Variants in FRMD4A observed in about 807,000 individuals in gnomAD.
The protein encoded by FRMD4A is FERM domain-containing protein 4A.
A neutral mutation model predicts 129.1 loss-of-function variants in FRMD4A; 29 were observed. The observed-to-expected ratio is 0.22, with a 90% CI of 0.17 to 0.31. The LOEUF is 0.31. Among genes scored for constraint, FRMD4A ranks in the 10% least tolerant of loss-of-function variants. FRMD4A has a pLI of 1.00. For missense variants in FRMD4A, 1,272 were observed against 1,375.8 expected (o/e 0.92, Z 1.19); for synonymous variants, 634 against 571.6 (o/e 1.11, Z -1.56).
chr10:13,814,261 GAAAACA>G (rs1260261577), intron 3 of FRMD4A, among the ~76,000 whole-genome samples: 1 of 152,072 alleles, frequency 6.6e-6, no homozygotes, highest in Non-Finnish European at 1.5e-5. Context: ...GTCCAAACTT[GAAAACA>G]ATAAAAATAA....
At chr10:14,150,092 ACT>A (rs372936600) in intron 2 of FRMD4A, among the ~76,000 whole-genome samples, 4 of 151,496 alleles carry the variant, frequency 2.6e-5, no homozygotes, top group African/African-American at 9.7e-5. Flanking sequence ...TCTCATGAAA[ACT>A]CTCTCACTCT....
intron 2 of FRMD4A, among the ~76,000 whole-genome samples, chr10:14,006,200 C>G (rs2457836): frequency 0.98 from 149,460 of 152,278 alleles, 73,359 homozygotes; most frequent in East Asian, 1. Flanking sequence ...CTCCATTGCT[C>G]TGGAGGGTGA....
chr10:14,295,707 G>A (rs558221716), intron 2 of FRMD4A, among the ~76,000 whole-genome samples: 1 of 152,252 alleles, frequency 6.6e-6, no homozygotes, highest in Non-Finnish European at 1.5e-5. Flanking sequence ...CTCTCCCTTA[G>A]GTGGAGTTTG....
chr10:14,314,712 T>G (rs956159591), intron 2 of FRMD4A, among the ~76,000 whole-genome samples: 4 of 152,150 alleles, frequency 2.6e-5, no homozygotes, highest in African/African-American at 9.7e-5. Context: ...TCCTTGAGTT[T>G]ATAGCAATAT....
At chr10:14,214,453 C>A (rs1034030396) in intron 2 of FRMD4A, among the ~76,000 whole-genome samples, 1 of 152,232 alleles carries the variant, frequency 6.6e-6, no homozygotes, top group Non-Finnish European at 1.5e-5. Context: ...AGTTTTCTCT[C>A]TGGAAAATAA....
At chr10:13,670,610 TACACGCACAC>T in intron 16 of FRMD4A, 82 bp from the exon 17 acceptor site, 1 of 1,427,216 alleles carries the variant, frequency 7.0e-7, no homozygotes. Context: ...CACACGCACA[TACACGCACAC>T]AAAAATGCAC....
intron 2 of FRMD4A, among the ~76,000 whole-genome samples, chr10:13,875,156 G>C (rs2094476040): frequency 6.6e-6 from 1 of 152,208 alleles, no homozygotes; most frequent in East Asian, 1.9e-4. Flanking sequence ...GGATGAGAAG[G>C]AAGCAGTGAG....
intron 2 of FRMD4A, among the ~76,000 whole-genome samples, chr10:13,917,073 T>C (rs2095017320): frequency 6.6e-6 from 1 of 152,208 alleles, no homozygotes. Flanking sequence ...ATAGCAGGGA[T>C]GACATACTTC....
intron 12 of FRMD4A, among the ~76,000 whole-genome samples, chr10:13,723,804 G>A (rs1176273049): frequency 6.6e-6 from 1 of 152,214 alleles, no homozygotes; most frequent in Non-Finnish European, 1.5e-5. Flanking sequence ...GAAAGAGAGG[G>A]TTCATTAGGG....
intron 2 of FRMD4A, among the ~76,000 whole-genome samples, chr10:13,984,010 A>C (rs542759469): frequency 2.0e-5 from 3 of 151,800 alleles, no homozygotes; most frequent in Non-Finnish European, 4.4e-5. Flanking sequence ...CTCAAAAAAA[A>C]AACAACTGGG....
intron 2 of FRMD4A, among the ~76,000 whole-genome samples, chr10:13,864,411 CA>C (rs1027613549): frequency 1.3e-5 from 2 of 149,444 alleles, no homozygotes. Flanking sequence ...TCTTTGAATT[CA>C]AAAAAAAGTC....
intron 2 of FRMD4A, among the ~76,000 whole-genome samples, chr10:14,174,879 CTGTG>C (rs56966643): frequency 0.048 from 4,166 of 87,580 alleles, 103 homozygotes; most frequent in East Asian, 0.15. Flanking sequence ...GTGTGTGTGT[CTGTG>C]TGTGTGTGTG....
rs143948926 is a variant in FRMD4A at position 14,303,602 on chromosome 10, T to C, written c.45+26456A>G. Among the ~76,000 whole-genome samples the C allele has an allele frequency of 5.0e-3, 764 of 152,268 alleles. 2 individuals carry two copies. Among genetic ancestry groups the C allele is most frequent in the African/African-American group, 0.018 (743 of 41,544 alleles). ...GAAGATTACATTTATGGGCAGTCAG[T>C]GAATTCAGCTGTGCAGGACTCGGGA... is the stretch of plus-strand genomic sequence containing the variant. On this transcript the variant is annotated intron_variant, in intron 2 of 24. Transcript: ENST00000357447.
chr10:14,032,697 C>T (rs576120938), intron 2 of FRMD4A, among the ~76,000 whole-genome samples: 3 of 152,314 alleles, frequency 2.0e-5, no homozygotes, highest in South Asian at 4.1e-4. Context: ...GTGTTCTGTG[C>T]CGTGTCCACC....
chr10:14,207,686 CCACACACACACACACACA>C (rs56740311), intron 2 of FRMD4A, among the ~76,000 whole-genome samples: 1 of 145,842 alleles, frequency 6.9e-6, no homozygotes, highest in Non-Finnish European at 1.5e-5. Context: ...TCCTAGGTAA[CCACACACACACACACACA>C]CACACACACA....
intron 16 of FRMD4A, among the ~76,000 whole-genome samples, chr10:13,672,150 C>G (rs532663963): frequency 6.6e-6 from 1 of 152,204 alleles, no homozygotes; most frequent in East Asian, 1.9e-4. Flanking sequence ...ACACATACTC[C>G]GTCACTCGCC....
chr10:14,020,219 GAACCC>G (rs1565189728), intron 2 of FRMD4A, among the ~76,000 whole-genome samples: 1 of 152,132 alleles, frequency 6.6e-6, no homozygotes, highest in African/African-American at 2.4e-5. Flanking sequence ...TTCCTCTCAC[GAACCC>G]AGCAGCATAG....
intron 2 of FRMD4A, among the ~76,000 whole-genome samples, chr10:14,167,616 C>A (rs1589115840): frequency 6.8e-6 from 1 of 147,252 alleles, no homozygotes; most frequent in East Asian, 2.0e-4. Context: ...CAGTCCATTG[C>A]AAAAGGCAAT....
rs866447393 is a variant in FRMD4A, at chr10:13,948,622, G to A, written c.46-89710C>T. 8.1e-4 allele frequency among the ~76,000 whole-genome samples: 121 copies of A among 149,988 alleles called. 1 individual carries two copies. Among genetic ancestry groups the A allele is most frequent in the African/African-American group, 2.8e-3 (115 of 40,860 alleles). On this transcript the variant is annotated intron_variant, in intron 2 of 24. Transcript: ENST00000357447. ...AGAGAGCAGGTGGTGGGGATGAGGAGAATTGATAAGCCCATGGAAAAGAGG... is the reference window on the plus strand; with the variant it reads ...AGAGAGCAGGTGGTGGGGATGAGGAAAATTGATAAGCCCATGGAAAAGAGG...
Sources: allele counts gnomAD v4.1 joint callset (sites outside exome capture counted in the v4.1 genomes callset), GRCh38; gene constraint gnomAD v4.1.1; transcripts MANE v1.5; gene names NCBI Gene and HGNC (gene_info 2026-07-23, HGNC 2026-07-21).